The following BTAF1 variants were observed in gnomAD, a reference collection of about 807,000 sequenced individuals.
BTAF1 encodes the protein TATA-binding protein-associated factor 172.
In BTAF1, 38 loss-of-function variants were observed where a neutral mutation model predicts 227.1. That is an observed-to-expected ratio of 0.17 (90% CI 0.13 to 0.22). The LOEUF (loss-of-function observed/expected upper bound fraction) is 0.22. BTAF1 is among the 10% of genes least tolerant of loss of function. The pLI, the probability that BTAF1 is intolerant of heterozygous loss-of-function variation, is 1.00. For missense variants in BTAF1, 1,598 were observed against 2,204.0 expected (o/e 0.73, Z 5.51); for synonymous variants, 742 against 751.9 (o/e 0.99, Z 0.21).
intron 25 of BTAF1, among the ~76,000 whole-genome samples, chr10:92,001,259 C>T (rs945948845): frequency 1.3e-5 from 2 of 152,190 alleles, no homozygotes; most frequent in Non-Finnish European, 2.9e-5. Flanking sequence ...AGGTACTGCA[C>T]AGACAGGAGG....
intron 11 of BTAF1, among the ~76,000 whole-genome samples, chr10:91,961,570 C>T (rs1268330662): frequency 6.6e-6 from 1 of 152,054 alleles, no homozygotes; most frequent in East Asian, 1.9e-4. Context: ...TTTCCTGCCC[C>T]TTTTAGTGCT....
At chr10:92,022,050 TAG>T (rs773247523) in intron 34 of BTAF1, among the ~76,000 whole-genome samples, 17 of 152,214 alleles carry the variant, frequency 1.1e-4, no homozygotes, top group Non-Finnish European at 1.9e-4. Context: ...AAATATTTGC[TAG>T]AGTCTAGTAA....
At chr10:91,931,518 G>A (rs1201171731) in intron 1 of BTAF1, among the ~76,000 whole-genome samples, 1 of 152,058 alleles carries the variant, frequency 6.6e-6, no homozygotes, top group African/African-American at 2.4e-5. Context: ...AAGTAGTATG[G>A]GAGTAAGTAC....
chr10:91,992,103 A>G lies in BTAF1; in HGVS notation c.2855-16A>G. On this transcript the variant is annotated splice_polypyrimidine_tract_variant and intron_variant, in intron 20 of 37. Coordinates refer to ENST00000265990, the MANE Select transcript of BTAF1 (RefSeq NM_003972.3). ...AATATTATGATTAAAAGGTTGTTTA[A>G]CTTTTTTCTTATTAGGATCCACCTC... 1 of 1,544,290 alleles carries G rather than the reference A, an allele frequency of 6.5e-7. No individual in the cohort carries two copies. Among genetic ancestry groups the G allele is most frequent in the Non-Finnish European group, 8.7e-7 (1 of 1,142,914 alleles).
At chr10:91,930,700 T>C (rs1589735762) in intron 1 of BTAF1, among the ~76,000 whole-genome samples, 1 of 152,370 alleles carries the variant, frequency 6.6e-6, no homozygotes, top group Non-Finnish European at 1.5e-5. Flanking sequence ...TTCCACGTAT[T>C]AAGTACACAC....
At chr10:91,994,208 G>T (rs1386204793) in intron 22 of BTAF1, among the ~76,000 whole-genome samples, 2 of 152,022 alleles carry the variant, frequency 1.3e-5, no homozygotes, top group East Asian at 3.9e-4. Context: ...GCTGAGGCAG[G>T]AGGATTGCTT....
chr10:91,999,593 CT>C (rs1402018933), intron 25 of BTAF1, among the ~76,000 whole-genome samples: 1 of 152,208 alleles, frequency 6.6e-6, no homozygotes, highest in Non-Finnish European at 1.5e-5. Flanking sequence ...GGGATTTCTC[CT>C]TTTTGATCAG....
intron 8 of BTAF1, among the ~76,000 whole-genome samples, chr10:91,958,297 C>T (rs1846239419): frequency 6.6e-6 from 1 of 152,120 alleles, no homozygotes; most frequent in African/African-American, 2.4e-5. Flanking sequence ...CTCAAGTGAT[C>T]TGCCCACCTG....
chr10:91,981,588 A>T (rs964899874), intron 15 of BTAF1, 55 bp from the exon 16 acceptor site: 13 of 1,518,000 alleles, frequency 8.6e-6, no homozygotes, highest in Non-Finnish European at 1.1e-5. Context: ...GATAAGTGTT[A>T]GAGTTTATTT....
rs1851751609 is a variant in BTAF1 at position 92,029,457 on chromosome 10, TTGG to T, written c.*528_*530del. 6.6e-6 allele frequency: 1 copy of T among 152,384 alleles called. No homozygotes were observed. Among genetic ancestry groups the T allele is most frequent in the African/African-American group, 2.4e-5 (1 of 41,436 alleles). 9.4% of individuals were successfully genotyped at this position (152,384 alleles called of 1,614,324 possible). Reference sequence around the variant, plus strand: ...TCAGACAATGAATTTAATCGGGCCCTTGGTGGAAACATTTATATATTTAATGCA... The same window carrying T: ...TCAGACAATGAATTTAATCGGGCCCTTGGAAACATTTATATATTTAATGCA... On this transcript the variant is annotated 3_prime_UTR_variant, in exon 38 of 38. Coordinates refer to ENST00000265990, the MANE Select transcript of BTAF1 (RefSeq NM_003972.3).
At chr10:92,016,704 G>C (rs1255453338) in intron 33 of BTAF1, among the ~76,000 whole-genome samples, 1 of 152,074 alleles carries the variant, frequency 6.6e-6, no homozygotes, top group Non-Finnish European at 1.5e-5. Flanking sequence ...TCAAACTCCT[G>C]ACCTCAAGTG....
rs1203991804 is a variant in BTAF1 at position 92,031,177 on chromosome 10, G to A, written c.*2244G>A. ...AAACTGTTAAAAATATAGATTCAGA[G>A]ATTATTAGTCTTATCATTTGGGTTT... On this transcript the variant is annotated 3_prime_UTR_variant, in exon 38 of 38. Coordinates refer to ENST00000265990, the MANE Select transcript of BTAF1 (RefSeq NM_003972.3). Among the ~76,000 whole-genome samples the A allele has an allele frequency of 1.3e-5, 2 of 152,170 alleles. No homozygotes were observed. Among genetic ancestry groups the A allele is most frequent in the Non-Finnish European group, 2.9e-5 (2 of 68,030 alleles).
chr10:91,937,345 T>C (rs1351162825), intron 2 of BTAF1, among the ~76,000 whole-genome samples: 1 of 152,122 alleles, frequency 6.6e-6, no homozygotes, highest in Non-Finnish European at 1.5e-5. Context: ...ACCATGAGTT[T>C]CAATTTAGTG....
chr10:91,978,817 T>TTTTG (rs1554856935), intron 14 of BTAF1, among the ~76,000 whole-genome samples: 1 of 22,898 alleles, frequency 4.4e-5, no homozygotes, highest in African/African-American at 1.6e-4. Flanking sequence ...ATGGCTTGTT[T>TTTTG]TTTTTTTTTT....
chr10:92,008,252 G>A lies in BTAF1; in HGVS notation c.3790G>A (p.Ala1264Thr). ...ENYKIPVPIN[A>T]ELRKYQQDGV... is the part of the protein sequence containing the mutation. ...TTATAAAATTCCAGTACCAATCAAT[G>A]CTGAACTCAGAAAATATCAGCAGGT... The change falls in exon 26 of 38, where the codon GCT (alanine) becomes ACT (threonine). Residue 1264 changes from alanine to threonine, a missense_variant. By Grantham distance (58) the Ala-to-Thr change is moderately conservative (BLOSUM62 0). Coordinates refer to ENST00000265990, the MANE Select transcript of BTAF1 (RefSeq NM_003972.3). The A allele has an allele frequency of 6.3e-7, 1 of 1,580,168 alleles. No individual in the cohort carries two copies. Among genetic ancestry groups the A allele is most frequent in the Non-Finnish European group, 8.5e-7 (1 of 1,171,792 alleles).
chr10:92,008,194 G>A lies in BTAF1; in HGVS notation c.3732G>A (p.Leu1244=). 1 of 1,604,114 alleles carries A rather than the reference G, an allele frequency of 6.2e-7. No homozygotes were observed. The highest frequency in any genetic ancestry group is 8.5e-7 in the Non-Finnish European group (1 of 1,177,834). ...IQLKAKERHF[L]EQLLDGKKLE... is the part of the protein sequence containing the mutation. ...TGAAAGCCAAGGAGCGACACTTTTT[G>A]GAGCAATTGTTAGATGGGAAAAAAT... is the stretch of plus-strand genomic sequence containing the variant. The change falls in exon 26 of 38, where the codon TTG becomes TTA. Residue 1244 remains leucine (L), a synonymous_variant. Transcript: ENST00000265990.
intron 37 of BTAF1, among the ~76,000 whole-genome samples, chr10:92,028,325 C>T (rs1450162743): frequency 2.0e-5 from 3 of 152,136 alleles, no homozygotes; most frequent in African/African-American, 7.2e-5. Context: ...TGAAAACAGA[C>T]TGTATATTAG....
intron 1 of BTAF1, among the ~76,000 whole-genome samples, chr10:91,926,695 T>A (rs1206299990): frequency 6.6e-6 from 1 of 152,206 alleles, no homozygotes; most frequent in Non-Finnish European, 1.5e-5. Context: ...ACCTGATAAG[T>A]CTCATAGTAA....
At position 92,026,800 on chromosome 10, in the gene BTAF1, A is replaced by C. The variant is rs61876492; in HGVS notation, c.5235+49A>C. The C allele has an allele frequency of 0.34, 536,092 of 1,561,830 alleles. 97,799 individuals are homozygous for C. The highest frequency in any genetic ancestry group is 0.38 in the Non-Finnish European group (438,402 of 1,149,708). On this transcript the variant is annotated intron_variant, in intron 36 of 37. Coordinates refer to ENST00000265990, the MANE Select transcript of BTAF1 (RefSeq NM_003972.3). ...GATGTTAACCTGTGCATGAAAATAT[A>C]CTCCCCCAGAAAGATAGGAAACCTT... is the stretch of plus-strand genomic sequence containing the variant.
Sources: gnomAD v4.1 joint callset for allele counts (sites outside exome capture counted in the v4.1 genomes callset) on GRCh38, gnomAD v4.1.1 for gene constraint, MANE v1.5 for transcripts, NCBI Gene and HGNC (gene_info 2026-07-23, HGNC 2026-07-21) for gene names.